Variants in ENDOV observed in about 807,000 individuals in gnomAD.
ENDOV encodes hEndoV.
ENDOV carries 37 observed loss-of-function variants against 39.4 expected under a neutral mutation model. The ratio of observed to expected loss-of-function variants is 0.94; its 90% CI spans 0.72 to 1.23. The LOEUF is 1.23. Among genes scored for constraint, ENDOV ranks in the 50% most tolerant of loss-of-function variants. ENDOV has a pLI of 0.00. For missense variants in ENDOV, 441 were observed against 375.7 expected, an observed-to-expected ratio of 1.17 and a Z score of -1.44; for synonymous variants, 186 against 163.4, an observed-to-expected ratio of 1.14 and a Z score of -1.05.
chr17:80,419,363 G>A (rs2081643758), intron 2 of ENDOV: 3 of 515,696 alleles, frequency 5.8e-6, no homozygotes, highest in East Asian at 6.1e-5. Flanking sequence ...CCTGACAAAC[G>A]ATGGCGGAGC....
Position 80,415,857 on chromosome 17 carries a change from C to T in ENDOV, c.228+36C>T, listed in dbSNP as rs956074138. The T allele has an allele frequency of 3.8e-6, 6 of 1,559,372 alleles. No homozygotes were observed. The African/African-American group carries it at 4.1e-5, about 11-fold the overall frequency. ...AGGACGCCGAGCTCGAGGCGGGCCC[C>T]TCGGTGGGCTCGGGCGTGCGGTCTC... On this transcript the variant is annotated intron_variant, in intron 2 of 9. Transcript: ENST00000518137.
chr17:80,427,684 G>A, intron 7 of ENDOV: 8 of 1,278,058 alleles, frequency 6.3e-6, no homozygotes, highest in Non-Finnish European at 8.2e-6. Flanking sequence ...CTCCTGCTCT[G>A]TTCCAGAAGG....
intron 3 of ENDOV, 41 bp downstream of exon 3, chr17:80,422,003 T>C: frequency 6.3e-7 from 1 of 1,598,948 alleles, no homozygotes. Context: ...GGTCCCTCCT[T>C]CCCCCTGGGG....
At position 80,425,477 on chromosome 17, in the gene ENDOV, C is replaced by T. The variant is rs770396144; in HGVS notation, c.586-15C>T. On this transcript the variant is annotated splice_polypyrimidine_tract_variant and intron_variant, in intron 6 of 9. Coordinates refer to ENST00000518137, the MANE Select transcript of ENDOV (RefSeq NM_173627.5). ...GGCCCAGCCCACAGGACAGCCCTCG[C>T]CTTCCTTGTCACAGGCCCTGAGGAG... The T allele has an allele frequency of 3.8e-6, 6 of 1,590,486 alleles. No homozygotes were observed. Among genetic ancestry groups the T allele is most frequent in the Non-Finnish European group, 4.3e-6 (5 of 1,173,770 alleles).
At position 80,422,192 on chromosome 17, in the gene ENDOV, C is replaced by T. The variant is rs1334252576; in HGVS notation, c.364-14C>T. 3 of 1,613,678 alleles carry T rather than the reference C, an allele frequency of 1.9e-6. No homozygotes were observed. The East Asian group carries it at 6.7e-5, about 36-fold the overall frequency. On this transcript the variant is annotated splice_polypyrimidine_tract_variant and intron_variant, in intron 3 of 9. Coordinates refer to ENST00000518137, the MANE Select transcript of ENDOV (RefSeq NM_173627.5). ...GCAGCTCAGCTGACTGTGACTCTCC[C>T]TGTGGCTCCATAGGTCCTTCTTGTG...
At chr17:80,433,265 G>A (rs1313154457) in intron 9 of ENDOV, 3 of 517,706 alleles carry the variant, frequency 5.8e-6, no homozygotes, top group Non-Finnish European at 1.2e-5. Flanking sequence ...ATGTGGTGGG[G>A]GATATTCCAC....
At chr17:80,430,283 C>A in intron 9 of ENDOV, 1 of 1,497,462 alleles carries the variant, frequency 6.7e-7, no homozygotes, top group Non-Finnish European at 8.9e-7. Flanking sequence ...GCCTGCACGA[C>A]CCCTGCAGCC....
intron 7 of ENDOV, among the ~76,000 whole-genome samples, 182 bp downstream of exon 7, chr17:80,425,802 C>T (rs1400169061): frequency 1.3e-5 from 2 of 152,156 alleles, no homozygotes; most frequent in African/African-American, 4.8e-5. Flanking sequence ...GCAGTCAGGA[C>T]AGTAGACTGG....
chr17:80,430,536 C>T (rs915687965), intron 9 of ENDOV, among the ~76,000 whole-genome samples: 3 of 152,214 alleles, frequency 2.0e-5, no homozygotes, highest in Non-Finnish European at 4.4e-5. Context: ...GCTTTAGCAC[C>T]TGCTCACTGC....
chr17:80,432,431 C>T (rs1422974770), intron 9 of ENDOV, among the ~76,000 whole-genome samples: 3 of 152,116 alleles, frequency 2.0e-5, no homozygotes, highest in East Asian at 1.9e-4. Flanking sequence ...TGGACAGCCT[C>T]CAGAGGTGTT....
At chr17:80,422,003 TC>T in intron 3 of ENDOV, 41 bp downstream of exon 3, 2 of 1,598,944 alleles carry the variant, frequency 1.3e-6, no homozygotes, top group South Asian at 1.1e-5. Context: ...GGTCCCTCCT[TC>T]CCCCTGGGGG....
chr17:80,427,721 T>C (rs1449888089), intron 7 of ENDOV: 9 of 1,289,218 alleles, frequency 7.0e-6, no homozygotes, highest in Admixed American at 6.9e-5. Context: ...ACGGGGTTAG[T>C]GTTGGTCTGC....
At chr17:80,420,461 C>T (rs935605753) in intron 2 of ENDOV, 4 of 152,236 alleles carry the variant, frequency 2.6e-5, no homozygotes, top group African/African-American at 9.7e-5. Flanking sequence ...TCAGTTTCCC[C>T]ATTGAGTCAT....
Position 80,425,006 on chromosome 17 carries a change from T to C in ENDOV, c.517-26T>C, listed in dbSNP as rs183280374. The C allele has an allele frequency of 7.6e-5, 122 of 1,602,614 alleles. No individual in the cohort carries two copies. The African/African-American group carries it at 9.1e-4, about 12-fold the overall frequency. On this transcript the variant is annotated intron_variant, in intron 5 of 9. Transcript: ENST00000518137. ...TTCACCAAGAAGAGAGGGGTTTTTT[T>C]CCCCATTTTTCCCTCCATTTTCCAG...
At position 80,436,396 on chromosome 17, in the gene ENDOV, G is replaced by A; in HGVS notation, c.*253G>A. ...GCAGTCTTTCACCACTAGATGTGAT[G>A]TGAGCTGTTAGATTTTCAAGGATGC... On this transcript the variant is annotated 3_prime_UTR_variant, in exon 10 of 10. Coordinates refer to ENST00000518137, the MANE Select transcript of ENDOV (RefSeq NM_173627.5). 1.4e-6 allele frequency: 2 copies of A among 1,409,970 alleles called. No individual in the cohort carries two copies. The highest frequency in any genetic ancestry group is 2.7e-5 in the South Asian group (2 of 73,556). 87.3% of individuals were successfully genotyped at this position (1,409,970 alleles called of 1,614,324 possible).
chr17:80,419,348 G>A lies in ENDOV; in HGVS notation c.229-2480G>A. 7.8e-6 allele frequency: 4 copies of A among 515,718 alleles called. No homozygotes were observed. The South Asian group carries it at 8.4e-5, about 11-fold the overall frequency. The allele number at this position is 515,718 out of a possible 1,614,324, so 31.9% of individuals were successfully genotyped here. On this transcript the variant is annotated intron_variant, in intron 2 of 9. Transcript: ENST00000518137. ...CCCACCGTGAAGAACACTGTCCTTA[G>A]CATCCCTGACAAACGATGGCGGAGC...
chr17:80,423,440 G>T, intron 4 of ENDOV, 80 bp from the exon 5 acceptor site: 1 of 1,364,704 alleles, frequency 7.3e-7, no homozygotes, highest in Non-Finnish European at 1.0e-6. Context: ...GGAAGCTTTT[G>T]GTAAGACTGG....
chr17:80,419,861 T>C lies in ENDOV; in HGVS notation c.229-1967T>C, dbSNP rs1432603721. 2.5e-5 allele frequency: 15 copies of C among 592,752 alleles called. No individual in the cohort carries two copies. The East Asian group carries it at 3.9e-4, about 16-fold the overall frequency. 36.7% of individuals were successfully genotyped at this position (592,752 alleles called of 1,614,324 possible). A position where few individuals can be genotyped will look rare whatever the true frequency, so the allele number is the denominator to read the frequency against. On this transcript the variant is annotated intron_variant, in intron 2 of 9. Transcript: ENST00000518137. Reference sequence around the variant, plus strand: ...CCCACGCCATTTCAGTCGGTGTAGCTGGAAACACTGGTAGCTTTTGAGGGG... The same window carrying C: ...CCCACGCCATTTCAGTCGGTGTAGCCGGAAACACTGGTAGCTTTTGAGGGG...
At chr17:80,418,261 T>C (rs78496039) in intron 2 of ENDOV, 30,953 of 152,138 alleles carry the variant, frequency 0.2, 3,792 homozygotes, top group Non-Finnish European at 0.26. Context: ...TGATGAGCAG[T>C]ACATGAAATG....
Sources: allele counts gnomAD v4.1 joint callset (sites outside exome capture counted in the v4.1 genomes callset), GRCh38; gene constraint gnomAD v4.1.1; transcripts MANE v1.5; gene names NCBI Gene and HGNC (gene_info 2026-07-23, HGNC 2026-07-21).